SEC31B: variants seen among roughly 807,000 people sequenced by gnomAD.
SEC31B encodes the protein SEC31 homolog B, COPII component.
A neutral mutation model predicts 135.0 loss-of-function variants in SEC31B; 113 were observed. That is an observed-to-expected ratio of 0.84 (90% CI 0.72 to 0.98). The LOEUF (loss-of-function observed/expected upper bound fraction) is 0.98. Ranked by LOEUF, SEC31B falls within the 50% of genes least tolerant of loss-of-function variation. SEC31B has a pLI of 0.00. For missense variants in SEC31B, 1,296 were observed against 1,421.1 expected (o/e 0.91, Z 1.42); for synonymous variants, 508 against 549.4 (o/e 0.92, Z 1.05).
At position 100,491,930 on chromosome 10, in the gene SEC31B, C is replaced by T. The variant is rs576351071; in HGVS notation, c.2473-1047G>A. 2.0e-5 allele frequency among the ~76,000 whole-genome samples: 3 copies of T among 152,346 alleles called. No individual in the cohort carries two copies. The East Asian group carries it at 5.8e-4, about 29-fold the overall frequency. On this transcript the variant is annotated intron_variant, in intron 19 of 25. Transcript: ENST00000370345. Reference sequence around the variant, plus strand: ...GCCATGTGAGAACACAGCAGCAAGGCACCATCTTGCAACTAGAGGGTGGAA... The same window carrying T: ...GCCATGTGAGAACACAGCAGCAAGGTACCATCTTGCAACTAGAGGGTGGAA...
Position 100,506,155 on chromosome 10 carries a change from T to C in SEC31B, c.929A>G (p.Gln310Arg), listed in dbSNP as rs1589737822. ...CACTGAAGGGTCCCGAGGGCACCACTGCACATCAAAGCACCAGCTGCTCTG... is the reference window on the plus strand; with the variant it reads ...CACTGAAGGGTCCCGAGGGCACCACCGCACATCAAAGCACCAGCTGCTCTG... ...PTQSSWCFDV[Q>R]WCPRDPSVFS... is the part of the protein sequence containing the mutation. The change falls in exon 9 of 26, where the codon CAG (glutamine) becomes CGG (arginine). Residue 310 changes from glutamine (Q) to arginine (R), a missense_variant. By Grantham distance (43) the Gln-to-Arg change is conservative (BLOSUM62 1). Coordinates refer to ENST00000370345, the MANE Select transcript of SEC31B (RefSeq NM_015490.4). The C allele has an allele frequency of 6.2e-7, 1 of 1,614,234 alleles. No individual in the cohort carries two copies. The highest frequency in any genetic ancestry group is 8.5e-7 in the Non-Finnish European group (1 of 1,180,036).
chr10:100,495,339 G>T, intron 19 of SEC31B, 46 bp downstream of exon 19: 1 of 1,549,714 alleles, frequency 6.5e-7, no homozygotes, highest in Non-Finnish European at 8.8e-7. Flanking sequence ...ACCATGCTTG[G>T]CACGTATTAT....
At position 100,487,696 on chromosome 10, in the gene SEC31B, A is replaced by G. The variant is rs550219204; in HGVS notation, c.3460T>C (p.Cys1154Arg). Residue 1154 changes from cysteine to arginine, a missense_variant, in exon 26 of 26, where the codon TGT becomes CGT. Transcript: ENST00000370345. Reference sequence around the variant, plus strand: ...CTGGACACCTCGCTGAAGCTGCTACAGCCCGCCACCTGGGCATGCACTGCA... The same window carrying G: ...CTGGACACCTCGCTGAAGCTGCTACGGCCCGCCACCTGGGCATGCACTGCA... ...GLAVHAQVAG[C>R]SSFSEVSSFM... The G allele has an allele frequency of 6.2e-7, 1 of 1,613,946 alleles. No homozygotes were observed. The highest frequency in any genetic ancestry group is 2.2e-5 in the East Asian group (1 of 44,872).
intron 3 of SEC31B, among the ~76,000 whole-genome samples, chr10:100,511,481 G>A (rs1237412572): frequency 6.6e-6 from 1 of 152,170 alleles, no homozygotes. Flanking sequence ...AACAAAAAGG[G>A]TGGTCTAGCT....
chr10:100,498,680 T>A, intron 14 of SEC31B, 25 bp downstream of exon 14: 1 of 1,539,758 alleles, frequency 6.5e-7, no homozygotes, highest in Non-Finnish European at 9.0e-7. Flanking sequence ...GCAGAGACTC[T>A]CCCTCTCCCT....
At chr10:100,509,151 G>C (rs201894198) in intron 4 of SEC31B, 49 bp from the exon 5 acceptor site, 788 of 1,586,022 alleles carry the variant, frequency 5.0e-4, no homozygotes, top group Middle Eastern at 2.7e-3. Flanking sequence ...GGAAGAAACA[G>C]AGCAAGAAAG....
At chr10:100,505,322 ACACAAAC>A in intron 10 of SEC31B, 32 bp downstream of exon 10, 1 of 1,605,010 alleles carries the variant, frequency 6.2e-7, no homozygotes, top group Non-Finnish European at 8.5e-7. Flanking sequence ...ACACACACAC[ACACAAAC>A]ACACACACAC....
Position 100,498,144 on chromosome 10 carries a change from C to T in SEC31B, c.1748G>A (p.Cys583Tyr), listed in dbSNP as rs373127183. The T allele has an allele frequency of 8.0e-5, 129 of 1,614,114 alleles. No individual in the cohort carries two copies. The highest frequency in any genetic ancestry group is 9.8e-5 in the Non-Finnish European group (116 of 1,180,048). Residue 583 changes from cysteine (C) to tyrosine (Y), a missense_variant, in exon 15 of 26, where the codon TGT (cysteine) becomes TAT (tyrosine). Coordinates refer to ENST00000370345, the MANE Select transcript of SEC31B (RefSeq NM_015490.4). The stretch of plus-strand genomic sequence containing the variant: ...ATCAGCAAAGCGCTCCTCCTTCAGA[C>T]ACAGCTCCACGGCCGGACCCAGTTC... ...LGELGPAVEL[C>Y]LKEERFADAI...
chr10:100,507,442 C>T lies in SEC31B; in HGVS notation c.765G>A (p.Val255=), dbSNP rs771162334. Residue 255 remains valine, a synonymous_variant, in exon 7 of 26, where the codon GTG becomes GTA. Transcript: ENST00000370345. ...DLRFASSPLK[V]LESHSRGILS... is the part of the protein sequence containing the mutation. ...GATGCTACCTGCTGTGGCTCTCCAG[C>T]ACCTTCAAGGGCGAGGAGGCAAAGC... 6.2e-7 allele frequency: 1 copy of T among 1,614,194 alleles called. No individual in the cohort carries two copies.
Position 100,509,298 on chromosome 10 carries a change from C to T in SEC31B, c.399+18G>A, listed in dbSNP as rs1851693640. On this transcript the variant is annotated intron_variant, in intron 4 of 25. Transcript: ENST00000370345. The stretch of plus-strand genomic sequence containing the variant: ...TGCTCCCTGGCTTGGCCATGTTTGA[C>T]TAACTGAAATGTAGTACCTGGAAAG... 6.2e-7 allele frequency: 1 copy of T among 1,609,528 alleles called. No homozygotes were observed. Among genetic ancestry groups the T allele is most frequent in the Non-Finnish European group, 8.5e-7 (1 of 1,177,314 alleles).
intron 19 of SEC31B, 115 bp from the exon 20 acceptor site, chr10:100,490,998 A>T (rs1851291427): frequency 3.2e-6 from 2 of 629,478 alleles, no homozygotes; most frequent in South Asian, 1.2e-4. Flanking sequence ...TGAGGAAAAA[A>T]ATCAATAAAA....
chr10:100,516,908 G>C lies in SEC31B; in HGVS notation c.45C>G (p.Ser15Arg). 1 of 1,614,090 alleles carries C rather than the reference G, an allele frequency of 6.2e-7. No individual in the cohort carries two copies. Among genetic ancestry groups the C allele is most frequent in the Non-Finnish European group, 8.5e-7 (1 of 1,179,992 alleles). The change falls in exon 2 of 26, where the codon AGC becomes AGG. Residue 15 changes from serine to arginine, a missense_variant. By Grantham distance (110) the Ser-to-Arg change is moderately radical. Coordinates refer to ENST00000370345, the MANE Select transcript of SEC31B (RefSeq NM_015490.4). ...ELERPAVQAW[S>R]PASQYPLYLA... ...GATACAAAGGGTATTGGCTGGCTGG[G>C]CTCCATGCCTGGACAGCTGGCCGCT...
chr10:100,501,835 C>CA (rs971292881), intron 11 of SEC31B: 4 of 183,044 alleles, frequency 2.2e-5, no homozygotes, highest in Admixed American at 2.1e-4. Context: ...GAAACCAACT[C>CA]AAAGCCTTCT....
Sources: gnomAD v4.1 joint callset for allele counts (sites outside exome capture counted in the v4.1 genomes callset) on GRCh38, gnomAD v4.1.1 for gene constraint, MANE v1.5 for transcripts, NCBI Gene and HGNC (gene_info 2026-07-23, HGNC 2026-07-21) for gene names.